Variants in SEMA5A observed in about 807,000 individuals in gnomAD.
SEMA5A encodes the protein semaphorin-5A.
In SEMA5A, 55 loss-of-function variants were observed where a neutral mutation model predicts 135.5. The observed-to-expected ratio is 0.41, with a 90% CI of 0.33 to 0.51. SEMA5A has a LOEUF of 0.51. Among genes scored for constraint, SEMA5A ranks in the 20% least tolerant of loss-of-function variants. The pLI is 0.37. For synonymous variants in SEMA5A, 580 were observed against 546.5 expected, an observed-to-expected ratio of 1.06 and a Z score of -0.85; for missense variants, 1,290 against 1,419.9, an observed-to-expected ratio of 0.91 and a Z score of 1.47.
intron 13 of SEMA5A, among the ~76,000 whole-genome samples, chr5:9,134,182 G>A (rs2150212994): frequency 6.6e-6 from 1 of 152,268 alleles, no homozygotes; most frequent in Non-Finnish European, 1.5e-5. Context: ...TCATAGCAGT[G>A]TGAAAGCAGA....
chr5:9,043,488 GC>G, intron 22 of SEMA5A, among the ~76,000 whole-genome samples: 1 of 152,178 alleles, frequency 6.6e-6, no homozygotes, highest in East Asian at 1.9e-4. Flanking sequence ...GGTTTCAAAT[GC>G]CTTAATTGCT....
chr5:9,466,505 T>C (rs142564287), intron 1 of SEMA5A, among the ~76,000 whole-genome samples: 2 of 152,046 alleles, frequency 1.3e-5, no homozygotes, highest in Non-Finnish European at 2.9e-5. Context: ...AAGTTATTTA[T>C]GAGATAGAAT....
intron 3 of SEMA5A, among the ~76,000 whole-genome samples, chr5:9,344,762 G>C (rs1358764121): frequency 6.6e-6 from 1 of 152,210 alleles, no homozygotes; most frequent in Non-Finnish European, 1.5e-5. Flanking sequence ...TGGAAAATAT[G>C]AGGCCAATTT....
intron 10 of SEMA5A, among the ~76,000 whole-genome samples, 187 bp from the exon 11 acceptor site, chr5:9,190,658 T>G (rs1479623057): frequency 6.6e-6 from 1 of 152,134 alleles, no homozygotes; most frequent in Non-Finnish European, 1.5e-5. Flanking sequence ...TCATGTTAGA[T>G]TTGAACTCAT....
At chr5:9,221,484 A>T (rs1337997483) in intron 8 of SEMA5A, among the ~76,000 whole-genome samples, 1 of 151,392 alleles carries the variant, frequency 6.6e-6, no homozygotes, top group Non-Finnish European at 1.5e-5. Context: ...TTCTATTTTT[A>T]GTAGAGACGG....
intron 11 of SEMA5A, among the ~76,000 whole-genome samples, chr5:9,161,170 C>T (rs1008892191): frequency 1.3e-5 from 2 of 151,416 alleles, no homozygotes; most frequent in Non-Finnish European, 1.5e-5. Flanking sequence ...AAATACTGTT[C>T]TTAGAGCAGA....
chr5:9,511,792 A>T (rs1480107506), intron 1 of SEMA5A, among the ~76,000 whole-genome samples: 1 of 152,234 alleles, frequency 6.6e-6, no homozygotes, highest in Non-Finnish European at 1.5e-5. Context: ...TCAAAACAGC[A>T]TGTTGAACAC....
chr5:9,169,296 T>C (rs1285507010), intron 11 of SEMA5A, among the ~76,000 whole-genome samples: 1 of 152,192 alleles, frequency 6.6e-6, no homozygotes, highest in Non-Finnish European at 1.5e-5. Context: ...CTCAAATATA[T>C]ACACTTTGTA....
intron 16 of SEMA5A, among the ~76,000 whole-genome samples, chr5:9,092,277 T>C (rs773320028): frequency 1.4e-4 from 22 of 152,332 alleles, no homozygotes; most frequent in Middle Eastern, 3.4e-3. Flanking sequence ...CACAGGGTGA[T>C]GGCCCCAAAA....
intron 1 of SEMA5A, among the ~76,000 whole-genome samples, chr5:9,461,734 A>C (rs1759064902): frequency 6.6e-6 from 1 of 152,240 alleles, no homozygotes; most frequent in African/African-American, 2.4e-5. Flanking sequence ...TGGAGGAAAC[A>C]GCAATAGTAT....
At chr5:9,043,879 TC>T (rs1240575601) in intron 22 of SEMA5A, among the ~76,000 whole-genome samples, 40 of 152,364 alleles carry the variant, frequency 2.6e-4, no homozygotes, top group African/African-American at 9.1e-4. Context: ...TGTGTTGGAA[TC>T]ATGCTCAGAG....
intron 3 of SEMA5A, among the ~76,000 whole-genome samples, chr5:9,353,317 A>ATGAAAGGAAATGAAAG (rs1261140956): frequency 3.7e-5 from 2 of 53,472 alleles, no homozygotes; most frequent in Non-Finnish European, 7.7e-5. Context: ...GGGAAGGGAA[A>ATGAAAGGAAATGAAAG]GGAAGGAAAG....
chr5:9,089,933 A>G (rs1738939721), intron 16 of SEMA5A, among the ~76,000 whole-genome samples: 1 of 152,218 alleles, frequency 6.6e-6, no homozygotes, highest in Non-Finnish European at 1.5e-5. Context: ...TTGTTAACAT[A>G]AAATGTATTA....
intron 8 of SEMA5A, among the ~76,000 whole-genome samples, chr5:9,223,162 T>A (rs40668): frequency 1 from 152,103 of 152,350 alleles, 75,929 homozygotes; most frequent in Middle Eastern, 1. Flanking sequence ...AATGGGAGAA[T>A]TCTAGTTAGT....
rs1255275626 is a variant in SEMA5A, at chr5:9,202,333, T to C, written c.647-93A>G. On this transcript the variant is annotated intron_variant, in intron 8 of 22. Coordinates refer to ENST00000382496, the MANE Select transcript of SEMA5A (RefSeq NM_003966.3). ...CAGTATTTCATCCAAAGAGACGTGGTTTTGTTTAGATAACACCTGGTTCCT... is the reference window on the plus strand; with the variant it reads ...CAGTATTTCATCCAAAGAGACGTGGCTTTGTTTAGATAACACCTGGTTCCT... 23 of 1,382,884 alleles carry C rather than the reference T, an allele frequency of 1.7e-5. No individual in the cohort carries two copies. In the East Asian group the frequency reaches 5.2e-4, roughly 31 times the overall value. The allele number at this position is 1,382,884 out of a possible 1,614,324, so 85.7% of individuals were successfully genotyped here. A position where few individuals can be genotyped will look rare whatever the true frequency, so the allele number is the denominator to read the frequency against.
intron 9 of SEMA5A, among the ~76,000 whole-genome samples, chr5:9,199,252 G>A (rs1745575639): frequency 6.6e-6 from 1 of 152,162 alleles, no homozygotes; most frequent in African/African-American, 2.4e-5. Flanking sequence ...GCCAGTCTGA[G>A]CATCCTTTAA....
chr5:9,503,867 G>C (rs1735719768), intron 1 of SEMA5A, among the ~76,000 whole-genome samples: 1 of 152,148 alleles, frequency 6.6e-6, no homozygotes, highest in Admixed American at 6.6e-5. Flanking sequence ...GCCTGGAACA[G>C]ACAAAGTGCT....
Position 9,337,760 on chromosome 5 carries a change from C to A in SEMA5A, c.177G>T (p.Ser59=), listed in dbSNP as rs111523371. 2.3e-4 allele frequency: 374 copies of A among 1,611,686 alleles called. 3 individuals are homozygous for A. In the East Asian group the frequency reaches 4.5e-3, roughly 19 times the overall value. Residue 59 remains serine, a synonymous_variant, in exon 4 of 23, where the codon TCG becomes TCT. Coordinates refer to ENST00000382496, the MANE Select transcript of SEMA5A (RefSeq NM_003966.3). The part of the protein sequence containing the change: ...EFRAKNAVDF[S]QLTFDPGQKE... ...TCTGTCCTGGGTCAAATGTTAACTG[C>A]GAGAAATCCACAGCATTCTTCGCTC... is the stretch of plus-strand genomic sequence containing the variant.
At position 9,035,042 on chromosome 5, in the gene SEMA5A, T is replaced by C. The variant is rs959395555; in HGVS notation, c.*7855A>G. The C allele has an allele frequency of 1.3e-5, 2 of 152,566 alleles. No individual in the cohort carries two copies. Among genetic ancestry groups the C allele is most frequent in the African/African-American group, 4.8e-5 (2 of 41,446 alleles). 9.5% of individuals were successfully genotyped at this position (152,566 alleles called of 1,614,324 possible). ...AAATGCCACTAAATTGTCCCCTAAA[T>C]GGTAGGATTTATTTCAATGCTCACA... On this transcript the variant is annotated 3_prime_UTR_variant, in exon 23 of 23. Transcript: ENST00000382496.
Sources: gnomAD v4.1 joint callset for allele counts (sites outside exome capture counted in the v4.1 genomes callset) on GRCh38, gnomAD v4.1.1 for gene constraint, MANE v1.5 for transcripts, NCBI Gene and HGNC (gene_info 2026-07-23, HGNC 2026-07-21) for gene names.